The following FBXW11 variants were observed in gnomAD, a reference collection of about 807,000 sequenced individuals.
The protein encoded by FBXW11 is F-box/WD repeat-containing protein 11.
FBXW11 carries 19 observed loss-of-function variants against 77.6 expected under a neutral mutation model. The ratio of observed to expected loss-of-function variants is 0.24; its 90% CI spans 0.17 to 0.36. The LOEUF (loss-of-function observed/expected upper bound fraction) is 0.36, where lower values mean the gene tolerates loss of function less well. Among genes scored for constraint, FBXW11 ranks in the 10% least tolerant of loss-of-function variants. The pLI is 1.00. For synonymous variants in FBXW11, 235 were observed against 249.4 expected, an observed-to-expected ratio of 0.94 and a Z score of 0.54; for missense variants, 334 against 704.2, an observed-to-expected ratio of 0.47 and a Z score of 5.95.
chr5:171,979,224 G>C (rs1253419439), intron 1 of FBXW11, among the ~76,000 whole-genome samples: 1 of 152,114 alleles, frequency 6.6e-6, no homozygotes, highest in African/African-American at 2.4e-5. Context: ...AGTCAACTGA[G>C]GTGGATCACT....
intron 4 of FBXW11, among the ~76,000 whole-genome samples, chr5:171,903,519 C>G (rs1197378627): frequency 6.6e-6 from 1 of 152,210 alleles, no homozygotes; most frequent in Non-Finnish European, 1.5e-5. Context: ...TTTCAAACTG[C>G]AGAATCCGTC....
intron 6 of FBXW11, among the ~76,000 whole-genome samples, chr5:171,894,909 C>G (rs926895945): frequency 1.3e-5 from 2 of 152,114 alleles, no homozygotes; most frequent in East Asian, 1.9e-4. Context: ...CAGTTATGTT[C>G]TTCTTCAGTT....
chr5:171,880,073 A>G (rs141876017), intron 7 of FBXW11, among the ~76,000 whole-genome samples: 1 of 152,216 alleles, frequency 6.6e-6, no homozygotes, highest in Non-Finnish European at 1.5e-5. Flanking sequence ...TGTGTTTTAC[A>G]GTCAGGTCTT....
chr5:171,916,829 TC>T (rs1402361481), intron 2 of FBXW11, among the ~76,000 whole-genome samples: 1 of 152,108 alleles, frequency 6.6e-6, no homozygotes, highest in African/African-American at 2.4e-5. Context: ...GGGAAGTCAG[TC>T]CCCACCCCAT....
At chr5:171,988,563 A>G (rs1271368855) in intron 1 of FBXW11, among the ~76,000 whole-genome samples, 1 of 152,142 alleles carries the variant, frequency 6.6e-6, no homozygotes, top group African/African-American at 2.4e-5. Flanking sequence ...AAAAACTACA[A>G]TTCTGGCACG....
intron 2 of FBXW11, among the ~76,000 whole-genome samples, chr5:171,947,915 T>TA (rs1399279168): frequency 6.6e-6 from 1 of 151,884 alleles, no homozygotes; most frequent in African/African-American, 2.4e-5. Context: ...AGACCCCGCC[T>TA]AAAAAAATAG....
chr5:171,951,891 G>C (rs142944965), intron 2 of FBXW11, among the ~76,000 whole-genome samples: 4,668 of 152,274 alleles, frequency 0.031, 101 homozygotes, highest in Middle Eastern at 0.058. Flanking sequence ...AAACAAAATT[G>C]AAGAAAAGTT....
intron 1 of FBXW11, among the ~76,000 whole-genome samples, chr5:171,960,675 T>C (rs1406384563): frequency 6.6e-6 from 1 of 152,226 alleles, no homozygotes; most frequent in African/African-American, 2.4e-5. Flanking sequence ...AACCTCGCAC[T>C]GCTAATTTTA....
At position 171,899,099 on chromosome 5, in the gene FBXW11, C is replaced by T; in HGVS notation, c.624-5G>A. The T allele has an allele frequency of 6.4e-7, 1 of 1,571,748 alleles. No individual in the cohort carries two copies. On this transcript the variant is annotated splice_polypyrimidine_tract_variant and splice_region_variant and intron_variant, in intron 5 of 13. Transcript: ENST00000517395. Reference sequence around the variant, plus strand: ...TTTTTAAACAGGTACTGATCCCTGGCAAATAAAAACAAACAGATGTTACAT... The same window carrying T: ...TTTTTAAACAGGTACTGATCCCTGGTAAATAAAAACAAACAGATGTTACAT...
intron 2 of FBXW11, among the ~76,000 whole-genome samples, chr5:171,921,538 C>G (rs1212282276): frequency 6.6e-6 from 1 of 152,048 alleles, no homozygotes; most frequent in Non-Finnish European, 1.5e-5. Context: ...TAATAGACTG[C>G]AAGCAGAATG....
chr5:171,906,740 G>A (rs554294848), intron 4 of FBXW11, among the ~76,000 whole-genome samples: 2 of 152,248 alleles, frequency 1.3e-5, no homozygotes, highest in African/African-American at 4.8e-5. Context: ...AAAGTGTAAG[G>A]GCTAGGATTC....
In FBXW11 at chr5:171,914,729, TCCAAAGAC is replaced by T. The variant is rs149470203; in HGVS notation, c.148-332_148-325del. On this transcript the variant is annotated intron_variant, in intron 2 of 13. Transcript: ENST00000517395. ...TGTTTTTGTACTTGTGACAAGAAAT[TCCAAAGAC>T]CCATGAGGTTTCCGATGATTGCACA... 3.1e-3 allele frequency among the ~76,000 whole-genome samples: 479 copies of T among 152,300 alleles called. 2 individuals carry two copies. Among genetic ancestry groups the T allele is most frequent in the African/African-American group, 0.011 (444 of 41,570 alleles).
intron 3 of FBXW11, among the ~76,000 whole-genome samples, chr5:171,912,936 G>T (rs967518639): frequency 6.6e-6 from 1 of 151,532 alleles, no homozygotes; most frequent in African/African-American, 2.4e-5. Context: ...TATTTTTATA[G>T]CAACAGAACA....
intron 1 of FBXW11, among the ~76,000 whole-genome samples, chr5:171,974,253 G>T (rs1398139978): frequency 6.6e-6 from 1 of 152,042 alleles, no homozygotes; most frequent in African/African-American, 2.4e-5. Flanking sequence ...TGACCAACAT[G>T]GAGAAACCCC....
chr5:171,994,510 G>A (rs575086220), intron 1 of FBXW11, among the ~76,000 whole-genome samples: 80 of 152,180 alleles, frequency 5.3e-4, no homozygotes, highest in African/African-American at 1.9e-3. Flanking sequence ...TGCTGAATCA[G>A]TATACAGCAA....
At chr5:171,969,543 T>G (rs2113408544) in intron 1 of FBXW11, among the ~76,000 whole-genome samples, 1 of 152,346 alleles carries the variant, frequency 6.6e-6, no homozygotes, top group Admixed American at 6.5e-5. Flanking sequence ...AAACTATATA[T>G]TCTGGTATTA....
intron 4 of FBXW11, among the ~76,000 whole-genome samples, chr5:171,906,624 T>C (rs1760543679): frequency 6.6e-6 from 1 of 152,204 alleles, no homozygotes; most frequent in South Asian, 2.1e-4. Context: ...GCCAGGCATA[T>C]TATAACATAT....
At chr5:171,884,504 G>C (rs554148025) in intron 7 of FBXW11, among the ~76,000 whole-genome samples, 1 of 152,258 alleles carries the variant, frequency 6.6e-6, no homozygotes, top group African/African-American at 2.4e-5. Flanking sequence ...TTTTTGCTTA[G>C]TCTTGCTTTG....
At chr5:171,870,686 T>C (rs982884330) in intron 11 of FBXW11, 62 bp downstream of exon 11, 72 of 1,291,150 alleles carry the variant, frequency 5.6e-5, no homozygotes, top group Non-Finnish European at 7.6e-5. Flanking sequence ...GCTTAATATA[T>C]AACATTTCTC....
Sources: gnomAD v4.1 joint callset for allele counts (sites outside exome capture counted in the v4.1 genomes callset) on GRCh38, gnomAD v4.1.1 for gene constraint, MANE v1.5 for transcripts, NCBI Gene and HGNC (gene_info 2026-07-23, HGNC 2026-07-21) for gene names.